Variants in DCC observed in about 807,000 individuals in gnomAD.
DCC encodes the protein netrin receptor DCC.
A neutral mutation model predicts 172.5 loss-of-function variants in DCC; 58 were observed. That is an observed-to-expected ratio of 0.34 (90% confidence interval 0.27 to 0.42). The LOEUF is 0.42. Among genes scored for constraint, DCC ranks in the 10% least tolerant of loss-of-function variants. The pLI, the probability that DCC is intolerant of heterozygous loss-of-function variation, is 1.00. For missense variants in DCC, 1,740 were observed against 1,791.0 expected, an observed-to-expected ratio of 0.97 and a Z score of 0.51; for synonymous variants, 709 against 644.5, an observed-to-expected ratio of 1.10 and a Z score of -1.52.
At chr18:52,795,903 C>A (rs1200033098) in intron 2 of DCC, among the ~76,000 whole-genome samples, 1 of 151,402 alleles carries the variant, frequency 6.6e-6, no homozygotes, top group East Asian at 1.9e-4. Context: ...TTTCAATATT[C>A]TTTCTATTAA....
chr18:52,679,375 C>T (rs2144986871), intron 1 of DCC, among the ~76,000 whole-genome samples: 1 of 152,124 alleles, frequency 6.6e-6, no homozygotes, highest in East Asian at 1.9e-4. Context: ...CATTCTAAAG[C>T]TAACTTTTAG....
intron 14 of DCC, among the ~76,000 whole-genome samples, chr18:53,339,081 G>A (rs533974892): frequency 6.6e-6 from 1 of 152,278 alleles, no homozygotes; most frequent in African/African-American, 2.4e-5. Flanking sequence ...ACACAGAGCT[G>A]GTAAATGACA....
At chr18:53,391,958 T>C (rs1051523166) in intron 17 of DCC, 71 bp downstream of exon 17, 17 of 887,532 alleles carry the variant, frequency 1.9e-5, no homozygotes, top group Admixed American at 7.7e-5. Context: ...TTTAAACCTC[T>C]CCTGGACTGT....
At chr18:53,310,332 C>T (rs998312735) in intron 13 of DCC, among the ~76,000 whole-genome samples, 15 of 151,928 alleles carry the variant, frequency 9.9e-5, no homozygotes, top group Non-Finnish European at 2.2e-4. Context: ...ATTTTAATGC[C>T]TATAAGATAC....
rs559269670 is a variant in DCC at position 52,870,422 on chromosome 18, A to G, written c.413-35622A>G. Among the ~76,000 whole-genome samples, 24 of 152,220 alleles carry G rather than the reference A, an allele frequency of 1.6e-4. 1 individual carries two copies. In the South Asian group the frequency reaches 5.0e-3, roughly 32 times the overall value. ...CAGCCGCTGCTCTGGATTGCCCACC[A>G]CTGCCATCTACAGCCCTTCCCAAAA... On this transcript the variant is annotated intron_variant, in intron 2 of 28. Transcript: ENST00000442544.
At chr18:52,749,803 G>A (rs1439735431) in intron 1 of DCC, among the ~76,000 whole-genome samples, 2 of 152,208 alleles carry the variant, frequency 1.3e-5, no homozygotes, top group African/African-American at 4.8e-5. Flanking sequence ...ACATGAGGTT[G>A]TGTTTAAAAT....
At chr18:53,259,496 C>T (rs1228364490) in intron 12 of DCC, among the ~76,000 whole-genome samples, 2 of 152,170 alleles carry the variant, frequency 1.3e-5, no homozygotes, top group Admixed American at 1.3e-4. Context: ...ATATGAAATT[C>T]TGGGTTGAAA....
intron 1 of DCC, among the ~76,000 whole-genome samples, chr18:52,537,836 A>G (rs2032331702): frequency 6.6e-6 from 1 of 152,044 alleles, no homozygotes; most frequent in Non-Finnish European, 1.5e-5. Flanking sequence ...CATGTTTTAT[A>G]TCTCCCCCCA....
rs573826286 is a variant in DCC, at chr18:52,671,975, C to A, written c.92-80079C>A. ...AGATACACTTCTGTTGAAGTGTAAG[C>A]TTTTATCGTGTCGACCCTTGCAAAT... On this transcript the variant is annotated intron_variant, in intron 1 of 28. Transcript: ENST00000442544. 7.2e-5 allele frequency among the ~76,000 whole-genome samples: 11 copies of A among 152,278 alleles called. No homozygotes were observed. The East Asian group carries it at 1.9e-3, about 27-fold the overall frequency.
intron 1 of DCC, among the ~76,000 whole-genome samples, chr18:52,697,848 A>C (rs1053302900): frequency 6.6e-6 from 1 of 152,190 alleles, no homozygotes; most frequent in Non-Finnish European, 1.5e-5. Context: ...AATATGATTG[A>C]GAATCTATTT....
intron 5 of DCC, among the ~76,000 whole-genome samples, chr18:52,947,985 G>C (rs17483199): frequency 0.41 from 62,655 of 151,970 alleles, 13,562 homozygotes; most frequent in Non-Finnish European, 0.49. Flanking sequence ...AGGTAGAAAG[G>C]CATCTAACCA....
chr18:52,528,849 C>T (rs1176782921), intron 1 of DCC, among the ~76,000 whole-genome samples: 1 of 152,086 alleles, frequency 6.6e-6, no homozygotes, highest in Non-Finnish European at 1.5e-5. Flanking sequence ...GATAAAAATA[C>T]GACTGGTTTA....
chr18:52,968,775 A>G (rs1051951676), intron 5 of DCC, among the ~76,000 whole-genome samples: 13 of 152,186 alleles, frequency 8.5e-5, no homozygotes, highest in Admixed American at 8.5e-4. Context: ...CTTAAATGGT[A>G]AATTTAAATT....
chr18:52,811,888 C>G (rs1405691891), intron 2 of DCC, among the ~76,000 whole-genome samples: 1 of 152,038 alleles, frequency 6.6e-6, no homozygotes, highest in Admixed American at 6.6e-5. Context: ...AAATCCAGCC[C>G]AAACAAAATT....
At chr18:53,041,640 C>T (rs886125532) in intron 5 of DCC, among the ~76,000 whole-genome samples, 3 of 152,038 alleles carry the variant, frequency 2.0e-5, no homozygotes, top group African/African-American at 7.2e-5. Flanking sequence ...GTCTTTCTAT[C>T]CATGAGCATG....
At chr18:52,545,132 C>G (rs1036923007) in intron 1 of DCC, among the ~76,000 whole-genome samples, 1 of 152,182 alleles carries the variant, frequency 6.6e-6, no homozygotes, top group South Asian at 2.1e-4. Context: ...ATGGACCGCT[C>G]TCATTCTTAG....
chr18:52,738,573 G>A (rs903915332), intron 1 of DCC, among the ~76,000 whole-genome samples: 2 of 152,060 alleles, frequency 1.3e-5, no homozygotes, highest in African/African-American at 4.8e-5. Context: ...AGTGGTAATC[G>A]AATACAAAGA....
intron 1 of DCC, among the ~76,000 whole-genome samples, chr18:52,630,846 T>C (rs2034661142): frequency 6.6e-6 from 1 of 152,202 alleles, no homozygotes; most frequent in Admixed American, 6.5e-5. Flanking sequence ...CATCCACACA[T>C]GACTTTAAAA....
chr18:53,323,562 A>T (rs1279314161), intron 14 of DCC, among the ~76,000 whole-genome samples: 2 of 152,308 alleles, frequency 1.3e-5, no homozygotes, highest in Non-Finnish European at 2.9e-5. Flanking sequence ...TAGGTGAAGT[A>T]TAGGAAGTTG....
Sources: allele counts gnomAD v4.1 joint callset (sites outside exome capture counted in the v4.1 genomes callset), GRCh38; gene constraint gnomAD v4.1.1; transcripts MANE v1.5; gene names NCBI Gene and HGNC (gene_info 2026-07-23, HGNC 2026-07-21).